The following PSD2 variants were observed in gnomAD, a reference collection of about 807,000 sequenced individuals.
The protein encoded by PSD2 is pleckstrin and Sec7 domain containing 2, also known as PH and SEC7 domain-containing protein 2.
PSD2 carries 38 observed loss-of-function variants against 69.8 expected under a neutral mutation model. That is an observed-to-expected ratio of 0.54 (90% CI 0.42 to 0.71). The LOEUF (loss-of-function observed/expected upper bound fraction) is 0.71, where lower values mean the gene tolerates loss of function less well. Among genes scored for constraint, PSD2 ranks in the 30% least tolerant of loss-of-function variants. The pLI, the probability that PSD2 is intolerant of heterozygous loss-of-function variation, is 0.00. For synonymous variants in PSD2, 412 were observed against 423.0 expected (o/e 0.97, Z 0.32); for missense variants, 943 against 1,014.5 (o/e 0.93, Z 0.96).
In PSD2 at chr5:139,809,458, C is replaced by T; in HGVS notation, c.18C>T (p.Leu6=). ...TGGCTGCCATGGAGGAGGACAAGCT[C>T]TTATCTGCAGTGCCTGAGGAAGGCG... is the stretch of plus-strand genomic sequence containing the variant. MEEDK[L]LSAVPEEGDA... The change falls in exon 2 of 15, where the codon CTC becomes CTT. Residue 6 remains leucine, a synonymous_variant. Transcript: ENST00000274710. 2.5e-6 allele frequency: 4 copies of T among 1,612,002 alleles called. No homozygotes were observed. Among genetic ancestry groups the T allele is most frequent in the Non-Finnish European group, 3.4e-6 (4 of 1,179,484 alleles).
the PSD2 span, among the ~76,000 whole-genome samples, chr5:139,781,439 C>G: frequency 1.3e-5 from 2 of 149,112 alleles, no homozygotes; most frequent in Admixed American, 6.7e-5. Context: ...GGGTTCACGC[C>G]ATTCTCCTGC....
At chr5:139,828,829 C>T (rs937602061) in intron 7 of PSD2, among the ~76,000 whole-genome samples, 1 of 152,198 alleles carries the variant, frequency 6.6e-6, no homozygotes, top group African/African-American at 2.4e-5. Flanking sequence ...CTGTACCCGT[C>T]TAGCCTCTAC....
the PSD2 span, among the ~76,000 whole-genome samples, chr5:139,753,691 G>A: frequency 2.6e-5 from 4 of 152,184 alleles, no homozygotes; most frequent in Admixed American, 1.3e-4. Context: ...GGCCCAGAGA[G>A]GCCAAGCCCT....
chr5:139,809,633 G>C lies in PSD2; in HGVS notation c.193G>C (p.Asp65His). The change falls in exon 2 of 15, where the codon GAT becomes CAT. Residue 65 changes from aspartate to histidine, a missense_variant. Asp to His is a moderately conservative substitution (Grantham distance 81). This residue lies in a region of PSD2 where 466 missense variants were observed against 445.0 expected (regional missense o/e 1.05). Coordinates refer to ENST00000274710, the MANE Select transcript of PSD2 (RefSeq NM_032289.4). Reference sequence around the variant, plus strand: ...CACTGAGGAACCCACGAAGGACCCAGATGTGGCCTTCCATGGCCTCAGCCT... The same window carrying C: ...CACTGAGGAACCCACGAAGGACCCACATGTGGCCTTCCATGGCCTCAGCCT... Reference protein sequence around the residue: ...ADTEEPTKDPDVAFHGLSLGL... With the variant: ...ADTEEPTKDPHVAFHGLSLGL... 6.2e-7 allele frequency: 1 copy of C among 1,614,272 alleles called. No individual in the cohort carries two copies. Among genetic ancestry groups the C allele is most frequent in the Non-Finnish European group, 8.5e-7 (1 of 1,180,044 alleles).
chr5:139,817,326 G>A (rs1269215067), intron 4 of PSD2, among the ~76,000 whole-genome samples, 155 bp from the exon 5 acceptor site: 1 of 141,758 alleles, frequency 7.1e-6, no homozygotes, highest in African/African-American at 2.5e-5. Context: ...CAAGACCAAG[G>A]TTGAATGTTA....
At chr5:139,759,209 G>A in the PSD2 span, among the ~76,000 whole-genome samples, 1 of 152,234 alleles carries the variant, frequency 6.6e-6, no homozygotes, top group Non-Finnish European at 1.5e-5. Context: ...GTGCCTGTGT[G>A]TGTTGGAAAG....
chr5:139,837,303 T>C lies in PSD2; in HGVS notation c.1665+65T>C. On this transcript the variant is annotated intron_variant, in intron 11 of 14. Coordinates refer to ENST00000274710, the MANE Select transcript of PSD2 (RefSeq NM_032289.4). This position sits in a 1 kb window ranked among gnomAD's most constrained non-coding sequence, Gnocchi z 5.0. ...GCTCAGTCCCATCCCGCCCTGGCCT[T>C]GTGGCACCCCGAAGCCCCAGGCAGG... is the stretch of plus-strand genomic sequence containing the variant. 2.1e-6 allele frequency: 3 copies of C among 1,429,440 alleles called. No individual in the cohort carries two copies. Among genetic ancestry groups the C allele is most frequent in the Non-Finnish European group, 2.8e-6 (3 of 1,071,696 alleles). 88.5% of individuals were successfully genotyped at this position (1,429,440 alleles called of 1,614,324 possible). A position where few individuals can be genotyped will look rare whatever the true frequency, so the allele number is the denominator to read the frequency against.
chr5:139,758,407 A>C, the PSD2 span, among the ~76,000 whole-genome samples: 2 of 152,068 alleles, frequency 1.3e-5, no homozygotes, highest in Non-Finnish European at 2.9e-5. Flanking sequence ...GGAGGTGGGG[A>C]GAAGGGCAGG....
At chr5:139,802,614 G>T (rs1206609933) in intron 1 of PSD2, among the ~76,000 whole-genome samples, 2 of 152,060 alleles carry the variant, frequency 1.3e-5, no homozygotes, top group African/African-American at 4.8e-5. Flanking sequence ...AGACAGCTTA[G>T]TCCTTTGTGG....
At chr5:139,760,088 C>T in the PSD2 span, among the ~76,000 whole-genome samples, 1 of 152,250 alleles carries the variant, frequency 6.6e-6, no homozygotes. Flanking sequence ...CCCTGACCTT[C>T]GGTCCTCAAT....
chr5:139,757,167 G>A, the PSD2 span, among the ~76,000 whole-genome samples: 2 of 152,334 alleles, frequency 1.3e-5, no homozygotes, highest in Middle Eastern at 3.4e-3. Context: ...CCCCTCCTGG[G>A]CTCTGGGATG....
rs1158690419 is a variant in PSD2 at position 139,814,895 on chromosome 5, G to C, written c.1016+531G>C. On this transcript the variant is annotated intron_variant, in intron 4 of 14. Transcript: ENST00000274710. The surrounding 1 kb of genome is among the most constrained non-coding windows in gnomAD (Gnocchi z 4.4). ...ATGAGGGCCCCAAAGGGGACCAGGG[G>C]ACAGGCGGGATTGCAGGACCGAGGA... Among the ~76,000 whole-genome samples, 1 of 152,168 alleles carries C rather than the reference G, an allele frequency of 6.6e-6. No homozygotes were observed. The highest frequency in any genetic ancestry group is 1.5e-5 in the Non-Finnish European group (1 of 68,020).
rs953599509 is a variant in PSD2, at chr5:139,822,797, G to A, written c.1269+13G>A. On this transcript the variant is annotated intron_variant, in intron 7 of 14. Coordinates refer to ENST00000274710, the MANE Select transcript of PSD2 (RefSeq NM_032289.4). ...CCTGCACGGCCACGTGAGTTGGGGAGGTGACGGGGGGTGTCGCATGTCCTC... is the reference window on the plus strand; with the variant it reads ...CCTGCACGGCCACGTGAGTTGGGGAAGTGACGGGGGGTGTCGCATGTCCTC... 4.2e-5 allele frequency: 67 copies of A among 1,600,700 alleles called. No homozygotes were observed. In the East Asian group the frequency reaches 1.5e-3, roughly 36 times the overall value.
chr5:139,824,453 G>A (rs1264114842), intron 7 of PSD2, among the ~76,000 whole-genome samples: 1 of 143,492 alleles, frequency 7.0e-6, no homozygotes, highest in South Asian at 2.3e-4. Context: ...CTGGAGTGCA[G>A]TGGCGAGATC....
chr5:139,773,692 CTG>C, the PSD2 span, among the ~76,000 whole-genome samples: 1 of 152,188 alleles, frequency 6.6e-6, no homozygotes, highest in African/African-American at 2.4e-5. Flanking sequence ...TAGTACTCCA[CTG>C]TGTGGATAGA....
chr5:139,840,242 G>C, intron 14 of PSD2, 72 bp downstream of exon 14: 1 of 1,544,528 alleles, frequency 6.5e-7, no homozygotes, highest in Non-Finnish European at 8.9e-7. Context: ...CCTGATGTGG[G>C]ACTGGGGAGG....
At chr5:139,788,776 C>T in the PSD2 span, among the ~76,000 whole-genome samples, 1 of 152,198 alleles carries the variant, frequency 6.6e-6, no homozygotes, top group East Asian at 1.9e-4. Flanking sequence ...GGGGCTTTGT[C>T]CACCAGCCCT....
the PSD2 span, among the ~76,000 whole-genome samples, chr5:139,766,974 T>G: frequency 6.9e-6 from 1 of 144,172 alleles, no homozygotes; most frequent in African/African-American, 2.6e-5. Flanking sequence ...TCTTTCTTTC[T>G]TTCTTTCTTT....
At chr5:139,757,820 G>A in the PSD2 span, among the ~76,000 whole-genome samples, 5 of 152,180 alleles carry the variant, frequency 3.3e-5, no homozygotes, top group Non-Finnish European at 7.3e-5. Flanking sequence ...TGTCAAGTTG[G>A]GGTTGTGGAC....
Sources: gnomAD v4.1 joint callset for allele counts (sites outside exome capture counted in the v4.1 genomes callset) on GRCh38, gnomAD v4.1.1 for gene constraint, gnomAD v4.1.1 regional missense constraint, Gnocchi (gnomAD v3.1) non-coding constraint, MANE v1.5 for transcripts, NCBI Gene and HGNC (gene_info 2026-07-23, HGNC 2026-07-21) for gene names.